The following CAMK1D variants were observed in gnomAD, a reference collection of about 807,000 sequenced individuals.
CAMK1D encodes calcium/calmodulin-dependent protein kinase type 1D.
A neutral mutation model predicts 47.7 loss-of-function variants in CAMK1D; 9 were observed. The ratio of observed to expected loss-of-function variants is 0.19; its 90% confidence interval spans 0.11 to 0.33. The LOEUF (loss-of-function observed/expected upper bound fraction) is 0.33. CAMK1D is among the 10% of genes least tolerant of loss of function. The probability of loss-of-function intolerance (pLI) is 1.00; values close to 1 mark genes in which losing one functional copy is unlikely to be tolerated. For synonymous variants in CAMK1D, 184 were observed against 184.9 expected (o/e 0.99, Z 0.04); for missense variants, 291 against 488.7 (o/e 0.60, Z 3.81).
chr10:12,391,981 A>G (rs1288737797), intron 1 of CAMK1D, among the ~76,000 whole-genome samples: 1 of 119,238 alleles, frequency 8.4e-6, no homozygotes, highest in Non-Finnish European at 1.9e-5. Flanking sequence ...CTTAAAACAC[A>G]CACACACACA....
chr10:12,579,968 T>C (rs1346722027), intron 2 of CAMK1D, among the ~76,000 whole-genome samples: 1 of 152,206 alleles, frequency 6.6e-6, no homozygotes, highest in Non-Finnish European at 1.5e-5. Context: ...AAGTGTCCAC[T>C]CTCAGCCAGG....
chr10:12,607,061 C>T (rs977563887), intron 2 of CAMK1D, among the ~76,000 whole-genome samples: 4 of 152,084 alleles, frequency 2.6e-5, no homozygotes, highest in South Asian at 2.1e-4. Context: ...CTCTTGACCT[C>T]GTGATCCACC....
At chr10:12,493,786 G>A (rs1332487330) in intron 1 of CAMK1D, among the ~76,000 whole-genome samples, 1 of 152,176 alleles carries the variant, frequency 6.6e-6, no homozygotes, top group Non-Finnish European at 1.5e-5. Context: ...GAGCCACTGT[G>A]CCCTGCCTGC....
chr10:12,689,874 A>G (rs147287783), intron 3 of CAMK1D, among the ~76,000 whole-genome samples: 2 of 152,054 alleles, frequency 1.3e-5, no homozygotes, highest in Non-Finnish European at 2.9e-5. Context: ...AATGAGGTCT[A>G]TGTTGGGTGA....
intron 2 of CAMK1D, among the ~76,000 whole-genome samples, chr10:12,626,951 TATAA>T (rs1839235741): frequency 6.6e-6 from 1 of 152,214 alleles, no homozygotes; most frequent in East Asian, 1.9e-4. Context: ...ATTATGACTG[TATAA>T]ATAATGTTCA....
chr10:12,543,238 C>T (rs193203809), intron 1 of CAMK1D, among the ~76,000 whole-genome samples: 3 of 151,902 alleles, frequency 2.0e-5, no homozygotes, highest in East Asian at 1.9e-4. Flanking sequence ...TCTATAGAGA[C>T]GGGTTTATGC....
chr10:12,643,356 TC>T (rs1421133335), intron 2 of CAMK1D, among the ~76,000 whole-genome samples: 1 of 152,018 alleles, frequency 6.6e-6, no homozygotes, highest in Non-Finnish European at 1.5e-5. Flanking sequence ...ATAGCAGGGG[TC>T]CCCAACCCCA....
At chr10:12,777,278 T>C (rs552783523) in intron 5 of CAMK1D, among the ~76,000 whole-genome samples, 1 of 150,996 alleles carries the variant, frequency 6.6e-6, no homozygotes, top group South Asian at 2.1e-4. Context: ...GTGCTCCCCG[T>C]CAGACATGGA....
chr10:12,526,957 G>A lies in CAMK1D; in HGVS notation c.93-26268G>A, dbSNP rs151138895. The stretch of plus-strand genomic sequence containing the variant: ...TCCCAGCTACTCAGAAGGCCGAGAT[G>A]GGAGGATCGACTGAACCAGGAGTTT... On this transcript the variant is annotated intron_variant, in intron 1 of 10. Transcript: ENST00000619168. Among the ~76,000 whole-genome samples, 68 of 151,134 alleles carry A rather than the reference G, an allele frequency of 4.5e-4. 1 individual carries two copies. The highest frequency in any genetic ancestry group is 1.5e-3 in the African/African-American group (62 of 41,162).
At chr10:12,431,445 C>T (rs1030417653) in intron 1 of CAMK1D, among the ~76,000 whole-genome samples, 8 of 152,084 alleles carry the variant, frequency 5.3e-5, no homozygotes, top group Non-Finnish European at 7.4e-5. Flanking sequence ...CTGGGTGGGT[C>T]GGGGAGAGAG....
At chr10:12,577,669 CCCTCTT>C (rs1837532171) in intron 2 of CAMK1D, among the ~76,000 whole-genome samples, 1 of 152,174 alleles carries the variant, frequency 6.6e-6, no homozygotes, top group African/African-American at 2.4e-5. Context: ...TTGGTTCACT[CCCTCTT>C]CCTGCTACAG....
intron 1 of CAMK1D, among the ~76,000 whole-genome samples, chr10:12,439,476 G>A (rs372995825): frequency 1.3e-5 from 2 of 152,228 alleles, no homozygotes; most frequent in Non-Finnish European, 1.5e-5. Flanking sequence ...GTTTGCCTGC[G>A]TTTTAGGGCT....
At chr10:12,585,805 A>G (rs1452821750) in intron 2 of CAMK1D, among the ~76,000 whole-genome samples, 1 of 152,168 alleles carries the variant, frequency 6.6e-6, no homozygotes, top group Non-Finnish European at 1.5e-5. Flanking sequence ...CAGCCAAACC[A>G]CGTCAATCAC....
chr10:12,401,338 A>G (rs556883108), intron 1 of CAMK1D, among the ~76,000 whole-genome samples: 2 of 110,356 alleles, frequency 1.8e-5, no homozygotes, highest in South Asian at 5.0e-4. Flanking sequence ...ATATATATAT[A>G]ATATATATAA....
intron 3 of CAMK1D, among the ~76,000 whole-genome samples, chr10:12,727,388 C>T (rs1460871694): frequency 6.6e-6 from 1 of 152,218 alleles, no homozygotes; most frequent in Admixed American, 6.5e-5. Context: ...TCACTAGCTT[C>T]CTTCAAGAAG....
intron 1 of CAMK1D, among the ~76,000 whole-genome samples, chr10:12,431,442 G>C (rs560098347): frequency 1.4e-4 from 21 of 152,272 alleles, no homozygotes; most frequent in Admixed American, 1.0e-3. Context: ...AGACTGGGTG[G>C]GTCGGGGAGA....
chr10:12,483,597 C>G (rs941395089), intron 1 of CAMK1D, among the ~76,000 whole-genome samples: 1 of 152,160 alleles, frequency 6.6e-6, no homozygotes, highest in African/African-American at 2.4e-5. Flanking sequence ...CTCCTGGCCT[C>G]AAGTGATCCT....
At chr10:12,401,464 C>G (rs1459934236) in intron 1 of CAMK1D, among the ~76,000 whole-genome samples, 2 of 149,460 alleles carry the variant, frequency 1.3e-5, no homozygotes, top group African/African-American at 2.5e-5. Flanking sequence ...CAGTCTGAGC[C>G]TCTACTTTGT....
At chr10:12,517,330 T>C (rs568502262) in intron 1 of CAMK1D, among the ~76,000 whole-genome samples, 159 of 152,202 alleles carry the variant, frequency 1.0e-3, no homozygotes, top group Non-Finnish European at 1.6e-3. Flanking sequence ...CAAACAGAGA[T>C]ATATTTTATC....
Sources: allele counts gnomAD v4.1 joint callset (sites outside exome capture counted in the v4.1 genomes callset), GRCh38; gene constraint gnomAD v4.1.1; transcripts MANE v1.5; gene names NCBI Gene and HGNC (gene_info 2026-07-23, HGNC 2026-07-21).